MBD5: variants seen among roughly 807,000 people sequenced by gnomAD.
The protein encoded by MBD5 is methyl-CpG-binding domain protein 5.
A neutral mutation model predicts 117.3 loss-of-function variants in MBD5; 13 were observed. That is an observed-to-expected ratio of 0.11 (90% CI 0.07 to 0.18). The LOEUF is 0.18. MBD5 is among the 10% of genes least tolerant of loss of function. The probability of loss-of-function intolerance (pLI) is 1.00; values close to 1 mark genes in which losing one functional copy is unlikely to be tolerated. For synonymous variants in MBD5, 727 were observed against 766.4 expected (o/e 0.95, Z 0.85); for missense variants, 1,879 against 2,093.8 (o/e 0.90, Z 2.00).
intron 1 of MBD5, among the ~76,000 whole-genome samples, chr2:148,045,136 A>G (rs1694479956): frequency 6.6e-6 from 1 of 152,192 alleles, no homozygotes; most frequent in Non-Finnish European, 1.5e-5. Context: ...TGGTTATAAT[A>G]GCAGCTTACT....
intron 1 of MBD5, among the ~76,000 whole-genome samples, chr2:148,108,183 A>G (rs1204285939): frequency 1.3e-5 from 2 of 152,206 alleles, no homozygotes; most frequent in Non-Finnish European, 2.9e-5. Context: ...CTTTAAAAGC[A>G]TAGTCTCTAG....
At chr2:148,043,928 TA>T (rs1694446004) in intron 1 of MBD5, among the ~76,000 whole-genome samples, 1 of 152,216 alleles carries the variant, frequency 6.6e-6, no homozygotes, top group Non-Finnish European at 1.5e-5. Context: ...GATTTTCAAT[TA>T]TAGCTACTTG....
chr2:148,496,212 T>C (rs1448265531), intron 11 of MBD5, among the ~76,000 whole-genome samples: 2 of 152,214 alleles, frequency 1.3e-5, no homozygotes, highest in African/African-American at 4.8e-5. Context: ...AGGCAATCAA[T>C]GCCCTGTCAG....
intron 3 of MBD5, among the ~76,000 whole-genome samples, chr2:148,311,641 T>C (rs963952133): frequency 3.3e-5 from 5 of 152,168 alleles, no homozygotes; most frequent in African/African-American, 1.2e-4. Flanking sequence ...GCATTTAGCC[T>C]GTTTACATTT....
At chr2:148,293,979 G>A (rs971541711) in intron 3 of MBD5, among the ~76,000 whole-genome samples, 3 of 152,116 alleles carry the variant, frequency 2.0e-5, no homozygotes, top group Non-Finnish European at 4.4e-5. Context: ...AGAAGGAGAC[G>A]AAATATGCAT....
At chr2:148,139,480 G>T (rs1380225164) in intron 1 of MBD5, among the ~76,000 whole-genome samples, 1 of 152,152 alleles carries the variant, frequency 6.6e-6, no homozygotes, top group Non-Finnish European at 1.5e-5. Flanking sequence ...CGAAAGCGCT[G>T]GGATTACAGG....
chr2:148,509,977 A>G, intron 12 of MBD5, 83 bp from the exon 13 acceptor site: 1 of 1,077,158 alleles, frequency 9.3e-7, no homozygotes, highest in South Asian at 1.3e-5. Flanking sequence ...TGGAATTGGT[A>G]CTTTTGTTTT....
At chr2:148,049,379 T>A (rs1694629166) in intron 1 of MBD5, among the ~76,000 whole-genome samples, 1 of 152,310 alleles carries the variant, frequency 6.6e-6, no homozygotes, top group East Asian at 1.9e-4. Flanking sequence ...ATTGTTATGC[T>A]GTGGTTTTGC....
At chr2:148,474,074 T>C (rs1280059713) in intron 8 of MBD5, among the ~76,000 whole-genome samples, 2 of 152,180 alleles carry the variant, frequency 1.3e-5, no homozygotes, top group African/African-American at 4.8e-5. Context: ...AATGCAGGTA[T>C]GTTCTGGAAA....
chr2:148,245,227 T>A (rs1700308791), intron 3 of MBD5, among the ~76,000 whole-genome samples: 1 of 151,904 alleles, frequency 6.6e-6, no homozygotes, highest in South Asian at 2.1e-4. Context: ...TCTACAAAAA[T>A]TTTATTTTTA....
At chr2:148,446,714 A>G (rs1473922251) in intron 4 of MBD5, among the ~76,000 whole-genome samples, 6 of 151,802 alleles carry the variant, frequency 4.0e-5, no homozygotes, top group African/African-American at 1.2e-4. Flanking sequence ...AATAATCAGA[A>G]GGTTATCCAA....
At chr2:148,162,573 C>T (rs1426303333) in intron 1 of MBD5, among the ~76,000 whole-genome samples, 2 of 151,912 alleles carry the variant, frequency 1.3e-5, no homozygotes, top group Non-Finnish European at 2.9e-5. Flanking sequence ...TTTTTTGTGA[C>T]ACAAAATTGT....
intron 2 of MBD5, among the ~76,000 whole-genome samples, chr2:148,205,343 G>C (rs919066010): frequency 4.6e-5 from 7 of 152,158 alleles, no homozygotes; most frequent in African/African-American, 1.7e-4. Context: ...GCCTACCTTG[G>C]CTTCCCAAAT....
rs185773843 is a variant in MBD5 at position 148,400,503 on chromosome 2, G to A, written c.-556-57700G>A. ...AGATCCTAGCTCCCATTCCACCTGG[G>A]CAGGATGATTTTTCAAGAAAGATTC... On this transcript the variant is annotated intron_variant, in intron 4 of 13. Coordinates refer to ENST00000642680, the MANE Select transcript of MBD5 (RefSeq NM_001378120.1). Among the ~76,000 whole-genome samples, 843 of 152,264 alleles carry A rather than the reference G, an allele frequency of 5.5e-3. 7 individuals are homozygous for A. The highest frequency in any genetic ancestry group is 0.01 in the Middle Eastern group (3 of 294).
intron 4 of MBD5, among the ~76,000 whole-genome samples, chr2:148,416,542 G>C (rs1388825862): frequency 6.6e-6 from 1 of 152,184 alleles, no homozygotes; most frequent in Non-Finnish European, 1.5e-5. Flanking sequence ...GTTTGCACAG[G>C]TAGTGTAAAT....
chr2:148,091,029 A>G (rs1177760494), intron 1 of MBD5, among the ~76,000 whole-genome samples: 1 of 152,178 alleles, frequency 6.6e-6, no homozygotes, highest in African/African-American at 2.4e-5. Context: ...TATGCCAACA[A>G]TGACCAAGCT....
chr2:148,353,068 A>T (rs1379230358), intron 4 of MBD5, among the ~76,000 whole-genome samples: 2 of 152,148 alleles, frequency 1.3e-5, no homozygotes, highest in African/African-American at 4.8e-5. Flanking sequence ...AATAAAATTT[A>T]TATACTGATG....
At chr2:148,337,830 C>T (rs943564377) in intron 3 of MBD5, among the ~76,000 whole-genome samples, 5 of 152,168 alleles carry the variant, frequency 3.3e-5, no homozygotes, top group African/African-American at 1.2e-4. Flanking sequence ...TGACCTTCCA[C>T]TCTTTCTTGT....
At chr2:148,133,649 C>T (rs868661890) in intron 1 of MBD5, among the ~76,000 whole-genome samples, 2 of 152,232 alleles carry the variant, frequency 1.3e-5, no homozygotes, top group South Asian at 4.2e-4. Context: ...CGTGGTGAAA[C>T]CCCGTCTCTA....
Sources: gnomAD v4.1 joint callset for allele counts (sites outside exome capture counted in the v4.1 genomes callset) on GRCh38, gnomAD v4.1.1 for gene constraint, MANE v1.5 for transcripts, NCBI Gene and HGNC (gene_info 2026-07-23, HGNC 2026-07-21) for gene names.